The following CDH9 variants were observed in gnomAD, a reference collection of about 807,000 sequenced individuals.
The protein encoded by CDH9 is cadherin-9.
Under a neutral mutation model 70.9 loss-of-function variants are expected in CDH9, and 28 were observed. The ratio of observed to expected loss-of-function variants is 0.40; its 90% confidence interval spans 0.29 to 0.54. The LOEUF (loss-of-function observed/expected upper bound fraction) is 0.54, where lower values mean the gene tolerates loss of function less well. Ranked by LOEUF, CDH9 falls within the 20% of genes least tolerant of loss-of-function variation. The pLI is 0.59. For synonymous variants in CDH9, 409 were observed against 343.1 expected (o/e 1.19, Z -2.12); for missense variants, 874 against 984.4 (o/e 0.89, Z 1.50).
At chr5:27,022,854 A>T (rs993756267) in intron 1 of CDH9, among the ~76,000 whole-genome samples, 5 of 152,072 alleles carry the variant, frequency 3.3e-5, no homozygotes. Flanking sequence ...CACATCTTAG[A>T]AAAGGTCTTC....
chr5:26,955,115 C>G (rs1741924702), intron 2 of CDH9, among the ~76,000 whole-genome samples: 2 of 152,144 alleles, frequency 1.3e-5, no homozygotes, highest in African/African-American at 4.8e-5. Context: ...AACTTAAAAC[C>G]AAGAATCTCC....
At chr5:26,912,434 G>A (rs1258266328) in intron 3 of CDH9, among the ~76,000 whole-genome samples, 2 of 151,156 alleles carry the variant, frequency 1.3e-5, no homozygotes, top group East Asian at 3.9e-4. Context: ...AGTTTATGAG[G>A]TAAAATATAT....
intron 1 of CDH9, among the ~76,000 whole-genome samples, chr5:27,004,696 TTG>T (rs1214366258): frequency 6.6e-6 from 1 of 152,008 alleles, no homozygotes. Flanking sequence ...GATGTTCAGG[TTG>T]TGTGTGGGAG....
At chr5:26,895,529 T>A (rs1740734191) in intron 7 of CDH9, among the ~76,000 whole-genome samples, 1 of 152,026 alleles carries the variant, frequency 6.6e-6, no homozygotes, top group African/African-American at 2.4e-5. Context: ...GTAGAAAGGA[T>A]CTTTTAAAAA....
chr5:27,001,844 A>ACACACT (rs1312157550), intron 1 of CDH9, among the ~76,000 whole-genome samples: 1 of 142,002 alleles, frequency 7.0e-6, no homozygotes, highest in African/African-American at 2.7e-5. Context: ...ACACACACAC[A>ACACACT]CTCTCTCTCT....
intron 2 of CDH9, among the ~76,000 whole-genome samples, chr5:26,958,801 TTAA>T (rs572380040): frequency 1.5e-3 from 229 of 152,228 alleles, no homozygotes; most frequent in African/African-American, 4.5e-3. Flanking sequence ...TGCAGAAATA[TTAA>T]TAAGAATGAC....
At chr5:26,969,138 G>T (rs1742176139) in intron 2 of CDH9, among the ~76,000 whole-genome samples, 1 of 152,074 alleles carries the variant, frequency 6.6e-6, no homozygotes, top group Non-Finnish European at 1.5e-5. Context: ...AATCTTCAAT[G>T]AACTGATAGG....
chr5:26,958,263 C>A (rs1260026461), intron 2 of CDH9, among the ~76,000 whole-genome samples: 1 of 152,148 alleles, frequency 6.6e-6, no homozygotes, highest in Admixed American at 6.5e-5. Flanking sequence ...TACACGGCAC[C>A]TTTGGTTGGA....
At chr5:27,023,588 A>T (rs2112127963) in intron 1 of CDH9, among the ~76,000 whole-genome samples, 1 of 152,120 alleles carries the variant, frequency 6.6e-6, no homozygotes, top group Non-Finnish European at 1.5e-5. Flanking sequence ...CTTTTTAAAC[A>T]ATTTCTCAGG....
intron 2 of CDH9, among the ~76,000 whole-genome samples, chr5:26,953,972 AAAAT>A (rs148718720): frequency 0.063 from 9,629 of 152,222 alleles, 387 homozygotes; most frequent in Non-Finnish European, 0.091. Flanking sequence ...ATAGATCAAA[AAAAT>A]AAATAAGTGA....
chr5:27,004,021 A>G (rs1742815897), intron 1 of CDH9, among the ~76,000 whole-genome samples: 1 of 151,604 alleles, frequency 6.6e-6, no homozygotes, highest in Non-Finnish European at 1.5e-5. Flanking sequence ...AAAATTACGA[A>G]GAAGAAGAAG....
At chr5:26,891,045 A>G (rs2111973850) in intron 7 of CDH9, among the ~76,000 whole-genome samples, 1 of 152,326 alleles carries the variant, frequency 6.6e-6, no homozygotes, top group African/African-American at 2.4e-5. Context: ...TTCAAGGAAT[A>G]TCCAGCTGAA....
intron 5 of CDH9, among the ~76,000 whole-genome samples, chr5:26,905,022 C>T (rs1024380662): frequency 1.3e-5 from 2 of 151,994 alleles, no homozygotes; most frequent in Non-Finnish European, 2.9e-5. Context: ...ATGTTCTCAG[C>T]AAACTTTATT....
At chr5:26,992,000 G>GATATGGATACGTATACAGATGAAT (rs1742586601) in intron 1 of CDH9, among the ~76,000 whole-genome samples, 1 of 152,088 alleles carries the variant, frequency 6.6e-6, no homozygotes. Flanking sequence ...ATTACATATA[G>GATATGGATACGTATACAGATGAAT]ATATGGATAC....
intron 2 of CDH9, among the ~76,000 whole-genome samples, chr5:26,930,590 A>G (rs1168689558): frequency 1.3e-5 from 2 of 152,136 alleles, no homozygotes; most frequent in African/African-American, 4.8e-5. Context: ...AGTTGGACAT[A>G]TGCATAGAGC....
intron 5 of CDH9, among the ~76,000 whole-genome samples, chr5:26,905,757 A>G (rs892558593): frequency 6.6e-6 from 1 of 152,114 alleles, no homozygotes; most frequent in Admixed American, 6.6e-5. Flanking sequence ...TCCACTACAT[A>G]CTCCAAAAAA....
At chr5:26,964,056 A>C (rs1742085499) in intron 2 of CDH9, among the ~76,000 whole-genome samples, 1 of 150,216 alleles carries the variant, frequency 6.7e-6, no homozygotes, top group Non-Finnish European at 1.5e-5. Flanking sequence ...AAATATAATA[A>C]AAAATTGTGA....
At chr5:26,977,615 G>A (rs1820755) in intron 2 of CDH9, among the ~76,000 whole-genome samples, 75,734 of 151,468 alleles carry the variant, frequency 0.5, 19,839 homozygotes, top group Non-Finnish European at 0.54. Flanking sequence ...TTCATTTCAT[G>A]TGTCATGTAA....
chr5:26,999,594 A>G (rs1742728684), intron 1 of CDH9, among the ~76,000 whole-genome samples: 1 of 152,194 alleles, frequency 6.6e-6, no homozygotes. Flanking sequence ...GTCAACTCTC[A>G]TTTGACAAAG....
Sources: allele counts gnomAD v4.1 joint callset (sites outside exome capture counted in the v4.1 genomes callset), GRCh38; gene constraint gnomAD v4.1.1; transcripts MANE v1.5; gene names NCBI Gene and HGNC (gene_info 2026-07-23, HGNC 2026-07-21).